The following CLIP1 variants were observed in gnomAD, a reference collection of about 807,000 sequenced individuals.
CLIP1 encodes the protein CAP-Gly domain-containing linker protein 1.
CLIP1 carries 66 observed loss-of-function variants against 161.6 expected under a neutral mutation model. That is an observed-to-expected ratio of 0.41 (90% CI 0.33 to 0.50). CLIP1 has a LOEUF of 0.50. Ranked by LOEUF, CLIP1 falls within the 20% of genes least tolerant of loss-of-function variation. The probability of loss-of-function intolerance (pLI) is 0.27; values close to 1 mark genes in which losing one functional copy is unlikely to be tolerated. For missense variants in CLIP1, 1,376 were observed against 1,702.0 expected (o/e 0.81, Z 3.37); for synonymous variants, 598 against 626.2 (o/e 0.96, Z 0.67).
intron 1 of CLIP1, among the ~76,000 whole-genome samples, chr12:122,383,690 T>A (rs1262465546): frequency 1.3e-5 from 2 of 152,244 alleles, no homozygotes; most frequent in Non-Finnish European, 1.5e-5. Flanking sequence ...TATTAATGAC[T>A]GGCATGTCAG....
chr12:122,312,754 C>T (rs1161220545), intron 19 of CLIP1, among the ~76,000 whole-genome samples: 4 of 152,076 alleles, frequency 2.6e-5, no homozygotes, highest in Non-Finnish European at 4.4e-5. Context: ...AACAGAGTGA[C>T]ACCCTGTCTC....
chr12:122,330,617 T>TTTA (rs1951911217), intron 15 of CLIP1, among the ~76,000 whole-genome samples: 1 of 147,750 alleles, frequency 6.8e-6, no homozygotes, highest in African/African-American at 2.5e-5. Context: ...TTTTTTTTTT[T>TTTA]GAGATGGAGT....
At chr12:122,417,574 G>A (rs977308614) in intron 1 of CLIP1, among the ~76,000 whole-genome samples, 5 of 148,564 alleles carry the variant, frequency 3.4e-5, no homozygotes, top group African/African-American at 7.5e-5. Flanking sequence ...GTGCAGTGGC[G>A]AGATCTCCGC....
intron 5 of CLIP1, among the ~76,000 whole-genome samples, chr12:122,358,243 T>C (rs906547109): frequency 1.3e-4 from 20 of 151,276 alleles, no homozygotes; most frequent in Admixed American, 3.3e-4. Context: ...GAAGGCAGCA[T>C]GCTCGTTAAG....
intron 1 of CLIP1, among the ~76,000 whole-genome samples, chr12:122,384,304 C>T (rs1259943843): frequency 1.3e-5 from 2 of 152,134 alleles, no homozygotes; most frequent in East Asian, 1.9e-4. Context: ...ACAAGAATGA[C>T]CTACATATGT....
intron 1 of CLIP1, among the ~76,000 whole-genome samples, chr12:122,422,271 C>G (rs1233833805): frequency 1.3e-5 from 2 of 151,876 alleles, no homozygotes; most frequent in Non-Finnish European, 2.9e-5. Flanking sequence ...AGGCCCGGCT[C>G]GGCGCTGACA....
At chr12:122,274,402 T>C in intron 24 of CLIP1, 1 of 394,258 alleles carries the variant, frequency 2.5e-6, no homozygotes, top group Non-Finnish European at 4.7e-6. Flanking sequence ...GCAGTTTCTT[T>C]TACCCCCTCA....
rs71082962 is a variant in CLIP1, at chr12:122,299,612, C to CAAAAAAAAAAA, written c.3594+10139_3594+10149dup. On this transcript the variant is annotated intron_variant, in intron 20 of 25. Coordinates refer to ENST00000620786, the MANE Select transcript of CLIP1 (RefSeq NM_001247997.2). ...TTTTGTTTTTAAAGAATAAATTCAG[C>CAAAAAAAAAAA]AAAAAAAAAAAAAAAAAAAAGATGC... Among the ~76,000 whole-genome samples the CAAAAAAAAAAA allele has an allele frequency of 3.4e-3, 214 of 62,468 alleles. 22 individuals carry two copies. The highest frequency in any genetic ancestry group is 0.012 in the East Asian group (21 of 1,718). The allele number at this position is 62,468 out of a possible 152,430, so 41.0% of individuals were successfully genotyped here.
rs1042055237 is a variant in CLIP1, at chr12:122,323,860, G to C, written c.3249+4087C>G. 1.3e-5 allele frequency: 2 copies of C among 152,616 alleles called. No individual in the cohort carries two copies. The highest frequency in any genetic ancestry group is 2.4e-5 in the African/African-American group (1 of 41,456). The allele number at this position is 152,616 out of a possible 1,614,324, so 9.5% of individuals were successfully genotyped here. On this transcript the variant is annotated intron_variant, in intron 17 of 25. Coordinates refer to ENST00000620786, the MANE Select transcript of CLIP1 (RefSeq NM_001247997.2). The surrounding 1 kb of genome is among the most constrained non-coding windows in gnomAD (Gnocchi z 4.1). ...CATCCTTATCTTTGGCCAAGATGAA[G>C]TTTTCGGTAATAAGTTTCTTGATCT...
At chr12:122,401,625 G>A (rs942779391) in intron 1 of CLIP1, among the ~76,000 whole-genome samples, 1 of 152,032 alleles carries the variant, frequency 6.6e-6, no homozygotes, top group African/African-American at 2.4e-5. Context: ...CAGAGATGGC[G>A]CCATTGTACT....
chr12:122,279,391 G>T lies in CLIP1; in HGVS notation c.3648-246C>A. On this transcript the variant is annotated intron_variant, in intron 21 of 25. Transcript: ENST00000620786. This position sits in a 1 kb window ranked among gnomAD's most constrained non-coding sequence, Gnocchi z 4.5. ...AGTCTGCATGTGATTGTATCCATTT[G>T]AACTTAAAGAAACAAGTTAATAAAT... 3.6e-5 allele frequency: 7 copies of T among 192,498 alleles called. No homozygotes were observed. The highest frequency in any genetic ancestry group is 6.2e-5 in the Non-Finnish European group (6 of 96,592). The allele number at this position is 192,498 out of a possible 1,614,324, so 11.9% of individuals were successfully genotyped here.
At chr12:122,413,778 T>G (rs1956629772) in intron 1 of CLIP1, among the ~76,000 whole-genome samples, 1 of 152,034 alleles carries the variant, frequency 6.6e-6, no homozygotes, top group African/African-American at 2.4e-5. Flanking sequence ...ATTTTGTTGC[T>G]GAACCACAAT....
chr12:122,328,735 GCA>G (rs1379412634), intron 15 of CLIP1, among the ~76,000 whole-genome samples: 1 of 152,066 alleles, frequency 6.6e-6, no homozygotes, highest in Non-Finnish European at 1.5e-5. Flanking sequence ...GCACCTGCCA[GCA>G]CGCCTGGCTA....
chr12:122,368,254 G>A (rs140692364), intron 3 of CLIP1, among the ~76,000 whole-genome samples: 4 of 152,228 alleles, frequency 2.6e-5, no homozygotes, highest in African/African-American at 9.6e-5. Context: ...ACAGAATACA[G>A]CGTTGGCCAT....
chr12:122,287,975 C>T (rs1384931448), intron 21 of CLIP1, among the ~76,000 whole-genome samples: 2 of 151,986 alleles, frequency 1.3e-5, no homozygotes, highest in Non-Finnish European at 2.9e-5. Context: ...AGCAACTGAA[C>T]ATGGCTTATG....
At chr12:122,363,884 A>G in intron 4 of CLIP1, 99 bp downstream of exon 4, 1 of 1,540,370 alleles carries the variant, frequency 6.5e-7, no homozygotes, top group Non-Finnish European at 8.9e-7. Context: ...CCACTCTTCC[A>G]AACACAACTT....
Position 122,355,397 on chromosome 12 carries a change from C to T in CLIP1, c.1006-85G>A. ...GCGATGCATGCATGGCGGGCATCTG[C>T]TCGGCAAAGCAAGGGCGCTGCTCCA... On this transcript the variant is annotated intron_variant, in intron 5 of 25. Coordinates refer to ENST00000620786, the MANE Select transcript of CLIP1 (RefSeq NM_001247997.2). This position sits in a 1 kb window ranked among gnomAD's most constrained non-coding sequence, Gnocchi z 4.1. 1.6e-6 allele frequency: 2 copies of T among 1,268,922 alleles called. No individual in the cohort carries two copies. The highest frequency in any genetic ancestry group is 2.7e-5 in the South Asian group (2 of 74,434). 78.6% of individuals were successfully genotyped at this position (1,268,922 alleles called of 1,614,324 possible). A position where few individuals can be genotyped will look rare whatever the true frequency, so the allele number is the denominator to read the frequency against.
intron 10 of CLIP1, chr12:122,342,891 TTTGA>T (rs1387979087): frequency 4.0e-5 from 6 of 151,460 alleles, no homozygotes; most frequent in Admixed American, 6.6e-5. Flanking sequence ...ATAATTTTAT[TTTGA>T]TTAATATTTT....
chr12:122,416,364 G>T (rs1956756405), intron 1 of CLIP1, among the ~76,000 whole-genome samples: 1 of 152,110 alleles, frequency 6.6e-6, no homozygotes, highest in South Asian at 2.1e-4. Context: ...AACCTAAACT[G>T]GGCTCAATTT....
Sources: gnomAD v4.1 joint callset for allele counts (sites outside exome capture counted in the v4.1 genomes callset) on GRCh38, gnomAD v4.1.1 for gene constraint, Gnocchi (gnomAD v3.1) non-coding constraint, MANE v1.5 for transcripts, NCBI Gene and HGNC (gene_info 2026-07-23, HGNC 2026-07-21) for gene names.